SLC9C1: variants seen among roughly 807,000 people sequenced by gnomAD.
The protein encoded by SLC9C1 is solute carrier family 9 member C1.
A neutral mutation model predicts 140.9 loss-of-function variants in SLC9C1; 97 were observed. The ratio of observed to expected loss-of-function variants is 0.69; its 90% CI spans 0.58 to 0.82. The LOEUF is 0.82. SLC9C1 is among the 40% of genes least tolerant of loss of function. The probability of loss-of-function intolerance (pLI) is 0.00; values close to 1 mark genes in which losing one functional copy is unlikely to be tolerated. For synonymous variants in SLC9C1, 440 were observed against 442.6 expected (o/e 0.99, Z 0.07); for missense variants, 1,340 against 1,389.3 (o/e 0.96, Z 0.56).
intron 1 of SLC9C1, among the ~76,000 whole-genome samples, chr3:112,289,945 G>T (rs958323593): frequency 3.3e-5 from 5 of 152,112 alleles, no homozygotes; most frequent in Non-Finnish European, 5.9e-5. Context: ...ACCCTCCAAG[G>T]TTAATTTAAT....
chr3:112,202,746 G>A (rs985161475), intron 17 of SLC9C1, among the ~76,000 whole-genome samples: 4 of 151,834 alleles, frequency 2.6e-5, no homozygotes, highest in Middle Eastern at 3.2e-3. Context: ...CTAAATTACT[G>A]CCATTTTTGC....
intron 19 of SLC9C1, 80 bp from the exon 20 acceptor site, chr3:112,199,549 G>C (rs2077853403): frequency 4.2e-6 from 5 of 1,188,590 alleles, no homozygotes; most frequent in Admixed American, 6.1e-5. Flanking sequence ...CTAAGTTTCT[G>C]TTCTAAACCC....
At chr3:112,216,403 A>G (rs1179448828) in intron 15 of SLC9C1, among the ~76,000 whole-genome samples, 2 of 152,156 alleles carry the variant, frequency 1.3e-5, no homozygotes, top group Non-Finnish European at 2.9e-5. Flanking sequence ...AGAAACTACC[A>G]TCAGAGTGAA....
chr3:112,151,210 T>TA, intron 28 of SLC9C1: 1 of 427,138 alleles, frequency 2.3e-6, no homozygotes, highest in Non-Finnish European at 4.6e-6. Context: ...AGTGATATGA[T>TA]TTATGTAACA....
intron 26 of SLC9C1, among the ~76,000 whole-genome samples, chr3:112,155,309 A>C (rs2075098975): frequency 6.6e-6 from 1 of 152,224 alleles, no homozygotes. Context: ...CCAATATCCC[A>C]AAATACTTTT....
Position 112,224,806 on chromosome 3 carries a change from AAAG to A in SLC9C1, c.1573-3584_1573-3582del, listed in dbSNP as rs989343383. On this transcript the variant is annotated intron_variant, in intron 13 of 28. Coordinates refer to ENST00000305815, the MANE Select transcript of SLC9C1 (RefSeq NM_183061.3). ...ATAGATAAGAAAGAAAGAAAAGAAA[AAAG>A]AGAGAAAGAGAGAAAGAAAGAAAGA... Among the ~76,000 whole-genome samples, 185 of 152,014 alleles carry A rather than the reference AAAG, an allele frequency of 1.2e-3. 1 individual carries two copies. Among genetic ancestry groups the A allele is most frequent in the African/African-American group, 4.3e-3 (178 of 41,572 alleles).
At chr3:112,268,929 C>T (rs1174131660) in intron 7 of SLC9C1, among the ~76,000 whole-genome samples, 1 of 152,158 alleles carries the variant, frequency 6.6e-6, no homozygotes, top group East Asian at 1.9e-4. Flanking sequence ...TGTCAGGAAA[C>T]AGCAGTATGG....
rs1465536575 is a variant in SLC9C1, at chr3:112,276,302, A to G, written c.485-1277T>C. Among the ~76,000 whole-genome samples the G allele has an allele frequency of 5.9e-5, 9 of 152,188 alleles. No homozygotes were observed. The South Asian group carries it at 8.3e-4, about 14-fold the overall frequency. ...AAGGGCATAGGAGGAGTCAAAGGAC[A>G]TGAAAAGCTCAAGCCAATGTGGATG... On this transcript the variant is annotated intron_variant, in intron 5 of 28. Coordinates refer to ENST00000305815, the MANE Select transcript of SLC9C1 (RefSeq NM_183061.3).
At chr3:112,208,133 T>G in intron 16 of SLC9C1, 45 bp downstream of exon 16, 1 of 1,410,404 alleles carries the variant, frequency 7.1e-7, no homozygotes, top group Middle Eastern at 1.9e-4. Flanking sequence ...GAAATCTCCC[T>G]GTCAGACATA....
At chr3:112,235,728 A>G (rs1273592163) in intron 12 of SLC9C1, among the ~76,000 whole-genome samples, 1 of 152,202 alleles carries the variant, frequency 6.6e-6, no homozygotes, top group Non-Finnish European at 1.5e-5. Flanking sequence ...TGAGGTAATC[A>G]TGTGGTTTTT....
intron 13 of SLC9C1, among the ~76,000 whole-genome samples, chr3:112,226,597 C>A (rs1324557140): frequency 6.6e-6 from 1 of 152,050 alleles, no homozygotes; most frequent in East Asian, 1.9e-4. Context: ...TGGCAAGCAC[C>A]TTTAATCACA....
At position 112,240,134 on chromosome 3, in the gene SLC9C1, A is replaced by C. The variant is rs148050506; in HGVS notation, c.1280-128T>G. 2.4e-5 allele frequency: 20 copies of C among 845,462 alleles called. No individual in the cohort carries two copies. In the East Asian group the frequency reaches 3.3e-4, roughly 14 times the overall value. 52.4% of individuals were successfully genotyped at this position (845,462 alleles called of 1,614,324 possible). The stretch of plus-strand genomic sequence containing the variant: ...ATAAAATTTCAACATAAACTGTTTA[A>C]TAATGGGAATACTAAAGAGTTAAAC... On this transcript the variant is annotated intron_variant, in intron 11 of 28. Coordinates refer to ENST00000305815, the MANE Select transcript of SLC9C1 (RefSeq NM_183061.3).
chr3:112,230,982 G>C (rs2078805623), intron 13 of SLC9C1, among the ~76,000 whole-genome samples: 2 of 152,122 alleles, frequency 1.3e-5, no homozygotes, highest in South Asian at 4.1e-4. Context: ...AGAACTGATT[G>C]CCTAACACAT....
chr3:112,187,649 G>A (rs4586779), intron 20 of SLC9C1, among the ~76,000 whole-genome samples: 70,851 of 151,966 alleles, frequency 0.47, 16,897 homozygotes, highest in East Asian at 0.64. Flanking sequence ...TAATTATATA[G>A]GTGATATATA....
At chr3:112,169,392 T>G (rs1034132782) in intron 23 of SLC9C1, 64 bp from the exon 24 acceptor site, 1 of 1,494,648 alleles carries the variant, frequency 6.7e-7, no homozygotes. Flanking sequence ...GAATAAAGTT[T>G]TTTTGTTTAT....
intron 13 of SLC9C1, among the ~76,000 whole-genome samples, chr3:112,228,978 A>G (rs531335948): frequency 6.6e-6 from 1 of 152,276 alleles, no homozygotes; most frequent in East Asian, 1.9e-4. Flanking sequence ...TACACAACAG[A>G]ATACTATTGA....
At position 112,151,920 on chromosome 3, in the gene SLC9C1, C is replaced by G. The variant is rs753556924; in HGVS notation, c.3461G>C (p.Cys1154Ser). 1 of 1,607,232 alleles carries G rather than the reference C, an allele frequency of 6.2e-7. No individual in the cohort carries two copies. Among genetic ancestry groups the G allele is most frequent in the Non-Finnish European group, 8.5e-7 (1 of 1,178,148 alleles). ...SAATARSPQP[C>S]SLLGTKFNCK... is the part of the protein sequence containing the mutation. The stretch of plus-strand genomic sequence containing the variant: ...GTTGAACTTTGTCCCCAGCAGGGAG[C>G]AAGGCTGGGGACTCCTGGCAGTGGC... The change falls in exon 28 of 29, where the codon TGC becomes TCC. Residue 1154 changes from cysteine (C) to serine (S), a missense_variant. Coordinates refer to ENST00000305815, the MANE Select transcript of SLC9C1 (RefSeq NM_183061.3).
chr3:112,264,953 T>C (rs1261808530), intron 8 of SLC9C1, among the ~76,000 whole-genome samples: 1 of 152,090 alleles, frequency 6.6e-6, no homozygotes, highest in East Asian at 1.9e-4. Context: ...TGTATGAATA[T>C]TGACATCACT....
chr3:112,161,670 G>A (rs887831367), intron 26 of SLC9C1, among the ~76,000 whole-genome samples: 7 of 152,020 alleles, frequency 4.6e-5, no homozygotes, highest in African/African-American at 1.2e-4. Context: ...TTTGGTTACT[G>A]CAGCCTTGTA....
Sources: gnomAD v4.1 joint callset for allele counts (sites outside exome capture counted in the v4.1 genomes callset) on GRCh38, gnomAD v4.1.1 for gene constraint, MANE v1.5 for transcripts, NCBI Gene and HGNC (gene_info 2026-07-23, HGNC 2026-07-21) for gene names.